MDFIC2: variants seen among roughly 807,000 people sequenced by gnomAD.
The protein encoded by MDFIC2 is MyoD family inhibitor domain containing 2, also known as myoD family inhibitor domain-containing protein 2.
chr3:70,197,295 A>G, intron 3 of MDFIC2, 110 bp from the exon 4 acceptor site: 1 of 397,266 alleles, frequency 2.5e-6, no homozygotes, highest in South Asian at 1.4e-4. Flanking sequence ...TTAATTATTT[A>G]TCCACATTAG....
At chr3:70,252,197 T>C (rs1371494599) in intron 2 of MDFIC2, among the ~76,000 whole-genome samples, 1 of 152,210 alleles carries the variant, frequency 6.6e-6, no homozygotes, top group Non-Finnish European at 1.5e-5. Context: ...CTTGGCAAAA[T>C]TGAACAAAAT....
chr3:70,205,461 T>TCTTC (rs1420869084), intron 3 of MDFIC2: 3 of 152,130 alleles, frequency 2.0e-5, no homozygotes, highest in Non-Finnish European at 4.4e-5. Flanking sequence ...ATGATAGAAA[T>TCTTC]CTTCCTTACT....
intron 2 of MDFIC2, among the ~76,000 whole-genome samples, chr3:70,229,459 C>A (rs549260251): frequency 6.6e-6 from 1 of 152,286 alleles, no homozygotes; most frequent in Non-Finnish European, 1.5e-5. Context: ...TGCTACATAG[C>A]AGAACTTGCT....
At chr3:70,252,282 C>A (rs192981133) in intron 2 of MDFIC2, among the ~76,000 whole-genome samples, 1 of 152,086 alleles carries the variant, frequency 6.6e-6, no homozygotes. Context: ...GTATATGTAT[C>A]GTATGCTGTG....
intron 2 of MDFIC2, among the ~76,000 whole-genome samples, chr3:70,295,536 C>T (rs1005364972): frequency 2.0e-5 from 3 of 151,952 alleles, no homozygotes; most frequent in Non-Finnish European, 4.4e-5. Context: ...GATCCCGTCT[C>T]TACAAAAAAG....
rs1342064112 is a variant in MDFIC2 at position 70,195,677 on chromosome 3, T to C, written c.*1249A>G. On this transcript the variant is annotated 3_prime_UTR_variant, in exon 4 of 4. Transcript: ENST00000567252. The stretch of plus-strand genomic sequence containing the variant: ...TTCACTTTTGTGTTCTTTGTTTGGT[T>C]ACTCATGCATGATGCTTTTTTATAT... Among the ~76,000 whole-genome samples, 2 of 152,228 alleles carry C rather than the reference T, an allele frequency of 1.3e-5. No individual in the cohort carries two copies. Among genetic ancestry groups the C allele is most frequent in the African/African-American group, 4.8e-5 (2 of 41,464 alleles).
At chr3:70,226,148 G>T (rs538858888) in intron 2 of MDFIC2, among the ~76,000 whole-genome samples, 1 of 152,252 alleles carries the variant, frequency 6.6e-6, no homozygotes, top group Admixed American at 6.5e-5. Flanking sequence ...TTTGAAGGAG[G>T]ACAGTAATCA....
In MDFIC2 at chr3:70,262,107, C is replaced by T. The variant is rs1363057179; in HGVS notation, c.88+49779G>A. ...TTTCTTTTCTCAAAAGCTGGTGCGA[C>T]AGTATTGCCTTCTATGTGTGTTGAG... On this transcript the variant is annotated intron_variant, in intron 2 of 3. Coordinates refer to ENST00000567252, the MANE Select transcript of MDFIC2 (RefSeq NM_001364677.1). Among the ~76,000 whole-genome samples the T allele has an allele frequency of 3.3e-5, 5 of 152,140 alleles. 1 individual carries two copies. Among genetic ancestry groups the T allele is most frequent in the Non-Finnish European group, 7.4e-5 (5 of 68,026 alleles).
intron 2 of MDFIC2, among the ~76,000 whole-genome samples, chr3:70,241,702 C>G (rs1487306163): frequency 6.6e-6 from 1 of 152,184 alleles, no homozygotes; most frequent in East Asian, 1.9e-4. Flanking sequence ...TCATGTCCTG[C>G]TGTTCCTAAA....
intron 2 of MDFIC2, among the ~76,000 whole-genome samples, chr3:70,218,077 T>G (rs1419686025): frequency 2.0e-5 from 3 of 152,130 alleles, no homozygotes; most frequent in Admixed American, 6.5e-5. Flanking sequence ...CCCAATGAAC[T>G]ATGGAATCTA....
chr3:70,281,063 A>T (rs1468017464), intron 2 of MDFIC2, among the ~76,000 whole-genome samples: 1 of 152,192 alleles, frequency 6.6e-6, no homozygotes, highest in Non-Finnish European at 1.5e-5. Context: ...TCTCATGTAC[A>T]TGTTAATAAA....
intron 2 of MDFIC2, among the ~76,000 whole-genome samples, chr3:70,207,765 A>T (rs1474776772): frequency 6.6e-6 from 1 of 152,106 alleles, no homozygotes; most frequent in Non-Finnish European, 1.5e-5. Flanking sequence ...ATATGGGAGG[A>T]TATGCATAGG....
chr3:70,253,035 A>C (rs73119961), intron 2 of MDFIC2, among the ~76,000 whole-genome samples: 9,696 of 152,196 alleles, frequency 0.064, 375 homozygotes, highest in South Asian at 0.12. Context: ...AGCTGAGATC[A>C]CACCATTGTA....
intron 2 of MDFIC2, among the ~76,000 whole-genome samples, chr3:70,290,898 A>G (rs1022175122): frequency 2.0e-5 from 3 of 152,218 alleles, no homozygotes; most frequent in Admixed American, 2.0e-4. Context: ...GAGTGAGGCA[A>G]TGCCTCGCCC....
intron 2 of MDFIC2, among the ~76,000 whole-genome samples, chr3:70,251,105 T>C (rs1181546811): frequency 6.6e-6 from 1 of 152,158 alleles, no homozygotes; most frequent in Non-Finnish European, 1.5e-5. Flanking sequence ...CAGTGGAGCC[T>C]TATTGTACAA....
chr3:70,219,706 C>G (rs140697563), intron 2 of MDFIC2, among the ~76,000 whole-genome samples: 63 of 152,228 alleles, frequency 4.1e-4, no homozygotes, highest in African/African-American at 1.4e-3. Context: ...CAGTAAAATA[C>G]AGAATTGACA....
intron 2 of MDFIC2, among the ~76,000 whole-genome samples, chr3:70,260,615 C>T (rs1006610993): frequency 1.3e-5 from 2 of 152,022 alleles, no homozygotes; most frequent in Non-Finnish European, 1.5e-5. Context: ...TTTCAGGTTC[C>T]CTAGTGGCTG....
chr3:70,236,000 G>GA (rs1245481390), intron 2 of MDFIC2, among the ~76,000 whole-genome samples: 1 of 152,022 alleles, frequency 6.6e-6, no homozygotes, highest in Non-Finnish European at 1.5e-5. Flanking sequence ...CAAGGTGCTT[G>GA]AAAAAATACT....
chr3:70,247,460 A>G (rs1488391972), intron 2 of MDFIC2, among the ~76,000 whole-genome samples: 1 of 151,802 alleles, frequency 6.6e-6, no homozygotes, highest in African/African-American at 2.4e-5. Context: ...TGTATTCTTT[A>G]TCATATAATA....
Sources: gnomAD v4.1 joint callset for allele counts (sites outside exome capture counted in the v4.1 genomes callset) on GRCh38, gnomAD v4.1.1 for gene constraint, MANE v1.5 for transcripts, NCBI Gene and HGNC (gene_info 2026-07-23, HGNC 2026-07-21) for gene names.